Variants in SH3GL3 observed in about 807,000 individuals in gnomAD.
SH3GL3 encodes endophilin-A3.
A neutral mutation model predicts 47.7 loss-of-function variants in SH3GL3; 33 were observed. The observed-to-expected ratio is 0.69, with a 90% CI of 0.52 to 0.92. The LOEUF is 0.92. SH3GL3 is among the 40% of genes least tolerant of loss of function. The pLI is 0.00. For synonymous variants in SH3GL3, 155 were observed against 148.8 expected, an observed-to-expected ratio of 1.04 and a Z score of -0.30; for missense variants, 363 against 417.8, an observed-to-expected ratio of 0.87 and a Z score of 1.14.
chr15:83,533,068 A>G (rs1443359277), intron 1 of SH3GL3, among the ~76,000 whole-genome samples: 1 of 152,162 alleles, frequency 6.6e-6, no homozygotes, highest in East Asian at 1.9e-4. Flanking sequence ...GAGGAAGAGG[A>G]GAGTGTTTAT....
At chr15:83,469,183 T>C (rs898946887) in intron 1 of SH3GL3, among the ~76,000 whole-genome samples, 1 of 152,196 alleles carries the variant, frequency 6.6e-6, no homozygotes, top group Admixed American at 6.5e-5. Context: ...ATCTCATCTT[T>C]CATTCCTGAT....
At chr15:83,568,406 G>T (rs1291298837) in intron 3 of SH3GL3, 123 bp from the exon 4 acceptor site, 2 of 659,690 alleles carry the variant, frequency 3.0e-6, no homozygotes, top group East Asian at 5.4e-5. Flanking sequence ...ATTGTTTCAG[G>T]CCTCAGGTCT....
At chr15:83,462,180 A>C (rs56141582) in intron 1 of SH3GL3, among the ~76,000 whole-genome samples, 32,409 of 152,152 alleles carry the variant, frequency 0.21, 3,969 homozygotes, top group Middle Eastern at 0.3. Flanking sequence ...CAGAAAGTTC[A>C]CCAAACCGCC....
chr15:83,529,538 G>T (rs893308563), intron 1 of SH3GL3, among the ~76,000 whole-genome samples: 32 of 152,234 alleles, frequency 2.1e-4, no homozygotes, highest in African/African-American at 7.2e-4. Context: ...CAGGCCCCTG[G>T]GTGATGTACT....
chr15:83,516,893 C>A (rs1249977166), intron 1 of SH3GL3, among the ~76,000 whole-genome samples: 2 of 151,882 alleles, frequency 1.3e-5, no homozygotes, highest in Admixed American at 6.6e-5. Flanking sequence ...GTGTTTGACT[C>A]TTTCAGTCAA....
At chr15:83,550,514 C>T (rs567108930) in intron 1 of SH3GL3, among the ~76,000 whole-genome samples, 8 of 152,178 alleles carry the variant, frequency 5.3e-5, no homozygotes, top group Non-Finnish European at 1.0e-4. Context: ...CTCAGCCTCC[C>T]GAGTAGCTGG....
intron 1 of SH3GL3, among the ~76,000 whole-genome samples, chr15:83,467,906 C>A (rs1018222099): frequency 7.2e-5 from 11 of 152,204 alleles, no homozygotes; most frequent in Admixed American, 5.2e-4. Flanking sequence ...TGGCTCACTG[C>A]AAGCTCTGCC....
Position 83,618,579 on chromosome 15 carries a change from A to T in SH3GL3, c.*292A>T. 1 of 356,752 alleles carries T rather than the reference A, an allele frequency of 2.8e-6. No individual in the cohort carries two copies. Among genetic ancestry groups the T allele is most frequent in the Non-Finnish European group, 5.2e-6 (1 of 192,904 alleles). The allele number at this position is 356,752 out of a possible 1,614,324, so 22.1% of individuals were successfully genotyped here. ...TCACCCATTGCAGTTATGTCAACGA[A>T]TGGCCTATATTCCTCAGCTGCAATG... On this transcript the variant is annotated 3_prime_UTR_variant, in exon 9 of 9. Coordinates refer to ENST00000427482, the MANE Select transcript of SH3GL3 (RefSeq NM_003027.5).
chr15:83,594,550 T>C (rs8041963), intron 8 of SH3GL3, among the ~76,000 whole-genome samples: 8,089 of 152,310 alleles, frequency 0.053, 700 homozygotes, highest in African/African-American at 0.18. Flanking sequence ...GTTCTTTTTC[T>C]GTTCTAGGAT....
chr15:83,511,287 C>CAGA (rs1260497498), intron 1 of SH3GL3, among the ~76,000 whole-genome samples: 1 of 152,112 alleles, frequency 6.6e-6, no homozygotes, highest in Non-Finnish European at 1.5e-5. Context: ...GGACTACAGG[C>CAGA]AGAAGTAGGG....
intron 6 of SH3GL3, among the ~76,000 whole-genome samples, chr15:83,580,330 G>A: frequency 6.6e-6 from 1 of 152,212 alleles, no homozygotes; most frequent in Non-Finnish European, 1.5e-5. Context: ...GGGTCTTTGG[G>A]TGCTGCTGCC....
At chr15:83,557,496 A>G (rs943390732) in intron 1 of SH3GL3, among the ~76,000 whole-genome samples, 8 of 152,176 alleles carry the variant, frequency 5.3e-5, no homozygotes, top group African/African-American at 1.7e-4. Context: ...AACCACTCCA[A>G]AATTCAGTGG....
At chr15:83,536,405 C>CTTTTTT (rs386383625) in intron 1 of SH3GL3, among the ~76,000 whole-genome samples, 5 of 113,682 alleles carry the variant, frequency 4.4e-5, no homozygotes, top group South Asian at 2.8e-4. Flanking sequence ...CTTTTCTTTT[C>CTTTTTT]TTTTTTTTTT....
At chr15:83,595,232 T>C (rs1312004137) in intron 8 of SH3GL3, among the ~76,000 whole-genome samples, 1 of 152,196 alleles carries the variant, frequency 6.6e-6, no homozygotes, top group Non-Finnish European at 1.5e-5. Flanking sequence ...ACCATGATCC[T>C]AAGTGAACTA....
intron 8 of SH3GL3, among the ~76,000 whole-genome samples, chr15:83,617,143 G>A (rs2060845272): frequency 6.6e-6 from 1 of 152,052 alleles, no homozygotes; most frequent in Non-Finnish European, 1.5e-5. Context: ...TTTACAATTA[G>A]CATGATTTTG....
At chr15:83,565,719 A>C (rs2045502443) in intron 3 of SH3GL3, 1 of 152,262 alleles carries the variant, frequency 6.6e-6, no homozygotes, top group African/African-American at 2.4e-5. Flanking sequence ...GTCCCCAAGC[A>C]GCATCTATTG....
chr15:83,496,850 C>T (rs939054363), intron 1 of SH3GL3, among the ~76,000 whole-genome samples: 1 of 152,172 alleles, frequency 6.6e-6, no homozygotes, highest in Non-Finnish European at 1.5e-5. Context: ...TGCTATTTCT[C>T]ATCTAGCTCG....
intron 4 of SH3GL3, among the ~76,000 whole-genome samples, chr15:83,570,520 A>T (rs1246605278): frequency 6.6e-6 from 1 of 152,214 alleles, no homozygotes; most frequent in Admixed American, 6.5e-5. Flanking sequence ...TATTTAAAAA[A>T]GTCATTAAAT....
At chr15:83,531,944 T>A (rs2043693318) in intron 1 of SH3GL3, among the ~76,000 whole-genome samples, 1 of 152,194 alleles carries the variant, frequency 6.6e-6, no homozygotes, top group East Asian at 1.9e-4. Flanking sequence ...AAGGTTTTTA[T>A]TTGGAAGGTG....
Sources: allele counts gnomAD v4.1 joint callset (sites outside exome capture counted in the v4.1 genomes callset), GRCh38; gene constraint gnomAD v4.1.1; transcripts MANE v1.5; gene names NCBI Gene and HGNC (gene_info 2026-07-23, HGNC 2026-07-21).